ZNF609: variants seen among roughly 807,000 people sequenced by gnomAD.
ZNF609 encodes the protein zinc finger protein 609.
ZNF609 carries 11 observed loss-of-function variants against 109.5 expected under a neutral mutation model. That is an observed-to-expected ratio of 0.10 (90% CI 0.06 to 0.17). The LOEUF (loss-of-function observed/expected upper bound fraction) is 0.17, where lower values mean the gene tolerates loss of function less well. Ranked by LOEUF, ZNF609 falls within the 10% of genes least tolerant of loss-of-function variation. ZNF609 has a pLI of 1.00. For missense variants in ZNF609, 1,559 were observed against 1,772.4 expected, an observed-to-expected ratio of 0.88 and a Z score of 2.16; for synonymous variants, 646 against 662.0, an observed-to-expected ratio of 0.98 and a Z score of 0.37.
chr15:64,464,030 TC>T (rs776541628), intron 1 of ZNF609, among the ~76,000 whole-genome samples: 1 of 151,702 alleles, frequency 6.6e-6, no homozygotes, highest in East Asian at 1.9e-4. Flanking sequence ...TGCTTTGGAT[TC>T]CCCCCCAACT....
At chr15:64,538,857 T>G (rs771854467) in intron 2 of ZNF609, among the ~76,000 whole-genome samples, 1 of 152,098 alleles carries the variant, frequency 6.6e-6, no homozygotes. Flanking sequence ...TTTTATTTTT[T>G]ATAGAGATAA....
At chr15:64,541,426 CAAAA>C (rs34461479) in intron 2 of ZNF609, among the ~76,000 whole-genome samples, 13 of 67,818 alleles carry the variant, frequency 1.9e-4, no homozygotes, top group Admixed American at 1.8e-3. Flanking sequence ...GACTCCGTCT[CAAAA>C]AAAAAAAAAA....
chr15:64,498,974 AG>A (rs2140349925), intron 1 of ZNF609, among the ~76,000 whole-genome samples: 1 of 152,264 alleles, frequency 6.6e-6, no homozygotes, highest in South Asian at 2.1e-4. Flanking sequence ...TGATTGAGGA[AG>A]GGTTGCCAGC....
At chr15:64,642,261 G>A (rs1220724781) in intron 3 of ZNF609, among the ~76,000 whole-genome samples, 1 of 152,080 alleles carries the variant, frequency 6.6e-6, no homozygotes, top group Non-Finnish European at 1.5e-5. Flanking sequence ...ATGGCTCACT[G>A]CGGCCTCCAA....
At chr15:64,530,358 C>T (rs1385538300) in intron 2 of ZNF609, among the ~76,000 whole-genome samples, 6 of 152,154 alleles carry the variant, frequency 3.9e-5, no homozygotes, top group Admixed American at 3.9e-4. Flanking sequence ...ATTACCTAGC[C>T]TCTGGGCCTC....
Position 64,674,322 on chromosome 15 carries a change from C to T in ZNF609, c.1468C>T (p.Pro490Ser). The change falls in exon 5 of 10, where the codon CCC (proline) becomes TCC (serine). Residue 490 changes from proline to serine, a missense_variant. Coordinates refer to ENST00000326648, the MANE Select transcript of ZNF609 (RefSeq NM_015042.2). ...VEPTVLDRNCPSPVLIDCPHP... is the reference protein window; with the variant it reads ...VEPTVLDRNCSSPVLIDCPHP... ...ACCCACTGTTCTGGACAGAAACTGC[C>T]CCTCCCCCGTCCTAATTGACTGTCC... 1.9e-6 allele frequency: 3 copies of T among 1,614,092 alleles called. No individual in the cohort carries two copies. The highest frequency in any genetic ancestry group is 8.5e-7 in the Non-Finnish European group (1 of 1,180,036).
At chr15:64,681,174 T>C in intron 8 of ZNF609, 135 bp from the exon 9 acceptor site, 2 of 797,814 alleles carry the variant, frequency 2.5e-6, no homozygotes, top group South Asian at 1.6e-5. Context: ...AAATAGAGCC[T>C]TATTATCTAT....
At chr15:64,484,971 CA>C (rs904804179) in intron 1 of ZNF609, among the ~76,000 whole-genome samples, 2 of 150,476 alleles carry the variant, frequency 1.3e-5, no homozygotes, top group Admixed American at 6.6e-5. Context: ...GACTCCGTCT[CA>C]AAAAAAAAGT....
chr15:64,505,913 A>G (rs986283341), intron 2 of ZNF609, among the ~76,000 whole-genome samples: 1 of 152,130 alleles, frequency 6.6e-6, no homozygotes, highest in African/African-American at 2.4e-5. Flanking sequence ...TTGAGGCTGC[A>G]GTAGTGAGCT....
intron 1 of ZNF609, among the ~76,000 whole-genome samples, chr15:64,467,469 T>C (rs773802323): frequency 2.0e-5 from 3 of 152,266 alleles, no homozygotes; most frequent in Non-Finnish European, 4.4e-5. Context: ...CAAGTGTCAC[T>C]GTGGCCTGCT....
Position 64,685,763 on chromosome 15 carries a change from A to C in ZNF609, c.*4077A>C, listed in dbSNP as rs2083237240. 2 of 152,820 alleles carry C rather than the reference A, an allele frequency of 1.3e-5. No homozygotes were observed. The highest frequency in any genetic ancestry group is 1.3e-4 in the Admixed American group (2 of 15,296). 9.5% of individuals were successfully genotyped at this position (152,820 alleles called of 1,614,324 possible). A position where few individuals can be genotyped will look rare whatever the true frequency, so the allele number is the denominator to read the frequency against. On this transcript the variant is annotated 3_prime_UTR_variant, in exon 10 of 10. Transcript: ENST00000326648. ...CTCCCCCGACATTCCAGCCTCTAGA[A>C]TGCTCTGATCCAGAGCTCAGTGGAT... is the stretch of plus-strand genomic sequence containing the variant.
intron 5 of ZNF609, among the ~76,000 whole-genome samples, chr15:64,677,302 A>G (rs897834657): frequency 3.3e-5 from 5 of 152,066 alleles, no homozygotes; most frequent in Admixed American, 1.3e-4. Context: ...GCCTCAAGCA[A>G]TCCTCGCGCC....
intron 3 of ZNF609, among the ~76,000 whole-genome samples, chr15:64,661,820 C>CA (rs1351043037): frequency 3.3e-5 from 5 of 152,130 alleles, no homozygotes; most frequent in Non-Finnish European, 7.4e-5. Context: ...GAATGCTTGG[C>CA]AAATAATAGA....
At chr15:64,624,710 GT>G (rs1462590085) in intron 3 of ZNF609, among the ~76,000 whole-genome samples, 5 of 149,896 alleles carry the variant, frequency 3.3e-5, no homozygotes, top group African/African-American at 1.2e-4. Context: ...AAGACTCTCT[GT>G]CAGGTTGTCA....
chr15:64,528,367 G>A (rs1325631082), intron 2 of ZNF609, among the ~76,000 whole-genome samples: 3 of 150,004 alleles, frequency 2.0e-5, no homozygotes, highest in African/African-American at 7.3e-5. Context: ...TTATTGGTGG[G>A]GGTTTTAAAA....
At chr15:64,543,060 G>A (rs964032074) in intron 2 of ZNF609, among the ~76,000 whole-genome samples, 13 of 152,128 alleles carry the variant, frequency 8.5e-5, no homozygotes, top group African/African-American at 3.1e-4. Context: ...TTAAAACCTA[G>A]ATGACGGGTT....
intron 2 of ZNF609, among the ~76,000 whole-genome samples, chr15:64,612,284 A>G (rs1194765718): frequency 1.3e-5 from 2 of 151,370 alleles, no homozygotes; most frequent in Non-Finnish European, 1.5e-5. Context: ...AGTAGCTGGG[A>G]CTACAGGTGC....
chr15:64,657,209 A>G (rs1037006938), intron 3 of ZNF609, among the ~76,000 whole-genome samples: 2 of 151,278 alleles, frequency 1.3e-5, no homozygotes, highest in South Asian at 2.1e-4. Flanking sequence ...GCAGTGAGCC[A>G]AGATCGCACC....
chr15:64,616,811 G>GTTT (rs1895805569), intron 2 of ZNF609, among the ~76,000 whole-genome samples: 3 of 40,064 alleles, frequency 7.5e-5, no homozygotes, highest in African/African-American at 2.8e-4. Flanking sequence ...GAGCCACCAT[G>GTTT]CTTTTTTTTT....
Sources: gnomAD v4.1 joint callset for allele counts (sites outside exome capture counted in the v4.1 genomes callset) on GRCh38, gnomAD v4.1.1 for gene constraint, MANE v1.5 for transcripts, NCBI Gene and HGNC (gene_info 2026-07-23, HGNC 2026-07-21) for gene names.